WNK4: variants seen among roughly 807,000 people sequenced by gnomAD.
The protein encoded by WNK4 is WNK lysine deficient protein kinase 4.
In WNK4, 94 loss-of-function variants were observed where a neutral mutation model predicts 116.2. The ratio of observed to expected loss-of-function variants is 0.81; its 90% CI spans 0.68 to 0.96. The LOEUF is 0.96. WNK4 is among the 40% of genes least tolerant of loss of function. WNK4 has a pLI of 0.00. For synonymous variants in WNK4, 655 were observed against 672.7 expected, an observed-to-expected ratio of 0.97 and a Z score of 0.41; for missense variants, 1,542 against 1,650.6, an observed-to-expected ratio of 0.93 and a Z score of 1.14.
chr17:42,787,398 C>G lies in WNK4; in HGVS notation c.1597C>G (p.Leu533Val), dbSNP rs1160906653. 1 of 1,614,068 alleles carries G rather than the reference C, an allele frequency of 6.2e-7. No homozygotes were observed. Among genetic ancestry groups the G allele is most frequent in the Non-Finnish European group, 8.5e-7 (1 of 1,180,042 alleles). Residue 533 changes from leucine (L) to valine (V), a missense_variant, in exon 7 of 19, where the codon CTC becomes GTC. By Grantham distance (32) the Leu-to-Val change is conservative. Around this residue, in one of 7 missense-constraint regions of WNK4, gnomAD observed 808 missense variants for 873.6 expected, o/e 0.92. Coordinates refer to ENST00000246914, the MANE Select transcript of WNK4 (RefSeq NM_032387.5). The part of the protein sequence containing the change: ...KLRKARELEA[L>V]PPEPGPPPAT... ...GCGTAAAGCAAGGGAATTGGAGGCA[C>G]TCCCACCAGAGCCAGGACCTCCACC...
Position 42,783,954 on chromosome 17 carries a change from G to C in WNK4, c.809G>C (p.Arg270Pro). 6.2e-7 allele frequency: 1 copy of C among 1,613,594 alleles called. No homozygotes were observed. Among genetic ancestry groups the C allele is most frequent in the Non-Finnish European group, 8.5e-7 (1 of 1,179,914 alleles). ...TCCCCCAGGTACCTGAGGCGGTTCC[G>C]GGAGATGAAGCCGCGGGTCCTTCAG... ...GTLKTYLRRF[R>P]EMKPRVLQRW... is the part of the protein sequence containing the mutation. The change falls in exon 3 of 19, where the codon CGG (arginine) becomes CCG (proline). Residue 270 changes from arginine to proline, a missense_variant. This residue lies in a region of WNK4 where 808 missense variants were observed against 873.6 expected (regional missense o/e 0.92). Transcript: ENST00000246914.
In WNK4 at chr17:42,782,667, C is replaced by G; in HGVS notation, c.619-91C>G. On this transcript the variant is annotated intron_variant, in intron 1 of 18. Transcript: ENST00000246914. This position sits in a 1 kb window ranked among gnomAD's most constrained non-coding sequence, Gnocchi z 4.2. ...CCCACCCCATCTGTGGGCTCCAACC[C>G]TCACCTCTTCCCCCAACCCCACTCC... is the stretch of plus-strand genomic sequence containing the variant. The G allele has an allele frequency of 1.3e-6, 2 of 1,496,240 alleles. No homozygotes were observed. The highest frequency in any genetic ancestry group is 1.8e-6 in the Non-Finnish European group (2 of 1,093,144). 92.7% of individuals were successfully genotyped at this position (1,496,240 alleles called of 1,614,324 possible).
intron 11 of WNK4, among the ~76,000 whole-genome samples, chr17:42,791,468 G>A (rs1324931715): frequency 5.3e-5 from 8 of 151,898 alleles, no homozygotes; most frequent in Non-Finnish European, 1.0e-4. Flanking sequence ...GAGAAACCCC[G>A]TCTCTACTAA....
rs1246053705 is a variant in WNK4 at position 42,785,132 on chromosome 17, A to G, written c.1206A>G (p.Ile402Met). Residue 402 changes from isoleucine to methionine, a missense_variant, in exon 5 of 19, where the codon ATA becomes ATG. Around this residue, in one of 7 missense-constraint regions of WNK4, gnomAD observed 808 missense variants for 873.6 expected, o/e 0.92. Coordinates refer to ENST00000246914, the MANE Select transcript of WNK4 (RefSeq NM_032387.5). ...CGAACAGCTTCCACAAGGTGAAGAT[A>G]CCCGAGGTGAAGGAGATCATTGAAG... Reference protein sequence around the residue: ...RKPNSFHKVKIPEVKEIIEGC... With the variant: ...RKPNSFHKVKMPEVKEIIEGC... The G allele has an allele frequency of 4.3e-6, 7 of 1,613,932 alleles. No homozygotes were observed. The East Asian group carries it at 1.1e-4, about 26-fold the overall frequency.
Position 42,784,459 on chromosome 17 carries a change from A to C in WNK4, c.1050A>C (p.Glu350Asp). ...TCATGGCCCCCGAGATGTACGAGGA[A>C]AAGTACGATGAGGCCGTGGACGTGT... ...PEFMAPEMYE[E>D]KYDEAVDVYA... The change falls in exon 4 of 19, where the codon GAA becomes GAC. Residue 350 changes from glutamate to aspartate, a missense_variant. Physicochemically the swap from Glu to Asp is conservative, Grantham distance 45. This residue lies in a region of WNK4 where 808 missense variants were observed against 873.6 expected (regional missense o/e 0.92). Transcript: ENST00000246914. This position sits in a 1 kb window ranked among gnomAD's most constrained non-coding sequence, Gnocchi z 4.4. 6.2e-7 allele frequency: 1 copy of C among 1,613,906 alleles called. No homozygotes were observed. The highest frequency in any genetic ancestry group is 8.5e-7 in the Non-Finnish European group (1 of 1,179,938).
intron 6 of WNK4, 97 bp downstream of exon 6, chr17:42,785,579 G>T: frequency 5.8e-6 from 8 of 1,376,724 alleles, no homozygotes; most frequent in Non-Finnish European, 7.0e-6. Context: ...GGGTGGCAGC[G>T]ATGGGGGCGG....
chr17:42,787,697 C>T, intron 7 of WNK4, 81 bp from the exon 8 acceptor site: 2 of 1,601,334 alleles, frequency 1.2e-6, no homozygotes, highest in Non-Finnish European at 1.7e-6. Flanking sequence ...CTCCAGGCCC[C>T]TCCTTGCTTA....
intron 11 of WNK4, among the ~76,000 whole-genome samples, chr17:42,792,965 G>A (rs898985407): frequency 1.3e-5 from 2 of 152,152 alleles, no homozygotes; most frequent in Non-Finnish European, 2.9e-5. Flanking sequence ...TTAGGCAGAC[G>A]GAACTTAACC....
Position 42,784,096 on chromosome 17 carries a change from CAA to C in WNK4, c.954_955del (p.Lys318AsnfsTer36), listed in dbSNP as rs1172301037. 1 of 1,612,186 alleles carries C rather than the reference CAA, an allele frequency of 6.2e-7. No individual in the cohort carries two copies. Among genetic ancestry groups the C allele is most frequent in the South Asian group, 1.1e-5 (1 of 91,086 alleles). ...TTATCACGGGACCTACTGGCTCTGT[CAA>C]AATCGGGGACCTGGGCCTGGCCACG... ...VFITGPTGSV[K>X]IGDLGLATLK... On this transcript the variant is annotated frameshift_variant, in exon 3 of 19. Transcript: ENST00000246914. LOFTEE classifies it high-confidence loss of function. This position sits in a 1 kb window ranked among gnomAD's most constrained non-coding sequence, Gnocchi z 4.4.
rs779947915 is a variant in WNK4 at position 42,782,826 on chromosome 17, G to A, written c.687G>A (p.Gln229=). The A allele has an allele frequency of 1.9e-6, 3 of 1,614,070 alleles. No homozygotes were observed. Among genetic ancestry groups the A allele is most frequent in the East Asian group, 2.2e-5 (1 of 44,888 alleles). Residue 229 remains glutamine (Q), a synonymous_variant, in exon 2 of 19, where the codon CAG becomes CAA. Transcript: ENST00000246914. The surrounding 1 kb of genome is among the most constrained non-coding windows in gnomAD (Gnocchi z 4.2). ...SEEVEMLKGL[Q]HPNIVRFYDS... ...AGGTGGAGATGCTCAAGGGGCTGCA[G>A]CACCCCAACATCGTCCGCTTCTATG... is the stretch of plus-strand genomic sequence containing the variant.
intron 6 of WNK4, among the ~76,000 whole-genome samples, chr17:42,785,872 T>C (rs766131989): frequency 2.0e-5 from 3 of 152,182 alleles, no homozygotes; most frequent in Non-Finnish European, 4.4e-5. Flanking sequence ...AATGCTTCTT[T>C]CCACTTCAGC....
Position 42,782,847 on chromosome 17 carries a change from C to T in WNK4, c.708C>T (p.Phe236=), listed in dbSNP as rs945142239. The T allele has an allele frequency of 6.2e-7, 1 of 1,614,200 alleles. No individual in the cohort carries two copies. ...TGCAGCACCCCAACATCGTCCGCTT[C>T]TATGATTCGTGGAAGTCGGTGCTGA... ...KGLQHPNIVR[F]YDSWKSVLRG... Residue 236 remains phenylalanine, a synonymous_variant, in exon 2 of 19, where the codon TTC becomes TTT. Coordinates refer to ENST00000246914, the MANE Select transcript of WNK4 (RefSeq NM_032387.5). This position sits in a 1 kb window ranked among gnomAD's most constrained non-coding sequence, Gnocchi z 4.2.
chr17:42,792,827 G>T (rs554946812), intron 11 of WNK4, among the ~76,000 whole-genome samples: 2 of 152,292 alleles, frequency 1.3e-5, no homozygotes, highest in Non-Finnish European at 2.9e-5. Flanking sequence ...TGGGATGGGT[G>T]TATGTGGGCC....
rs1567653543 is a variant in WNK4 at position 42,793,700 on chromosome 17, G to C, written c.2266G>C (p.Glu756Gln). 1.2e-6 allele frequency: 2 copies of C among 1,614,080 alleles called. No homozygotes were observed. The highest frequency in any genetic ancestry group is 8.5e-7 in the Non-Finnish European group (1 of 1,179,992). ...TLLKRDTGPM[E>Q]AAEDTLSPQE... ...GTTGAAGAGAGACACTGGCCCCATG[G>C]AGGCTGCTGAAGACACCCTAAGCCC... is the stretch of plus-strand genomic sequence containing the variant. The change falls in exon 12 of 19, where the codon GAG becomes CAG. Residue 756 changes from glutamate to glutamine, a missense_variant. By Grantham distance (29) the Glu-to-Gln change is conservative (BLOSUM62 2). Transcript: ENST00000246914.
intron 2 of WNK4, among the ~76,000 whole-genome samples, chr17:42,783,344 G>A (rs1363101681): frequency 6.6e-6 from 1 of 152,146 alleles, no homozygotes; most frequent in African/African-American, 2.4e-5. Context: ...ATCTTTCCCA[G>A]TTGAAAATCT....
rs1473904780 is a variant in WNK4 at position 42,785,205 on chromosome 17, G to A, written c.1259+20G>A. 6.2e-7 allele frequency: 1 copy of A among 1,612,792 alleles called. No individual in the cohort carries two copies. The highest frequency in any genetic ancestry group is 8.5e-7 in the Non-Finnish European group (1 of 1,179,538). ...CGAGAGGTGGGGGTGAAAGGGCAGA[G>A]CGTGGGTAGAATAGGGCCGCGGGCC... On this transcript the variant is annotated intron_variant, in intron 5 of 18. Transcript: ENST00000246914.
rs764305741 is a variant in WNK4, at chr17:42,784,543, C to T, written c.1134C>T (p.Cys378=). 7 of 1,613,966 alleles carry T rather than the reference C, an allele frequency of 4.3e-6. No homozygotes were observed. The highest frequency in any genetic ancestry group is 1.3e-5 in the African/African-American group (1 of 74,884). The change falls in exon 4 of 19, where the codon TGC becomes TGT. Residue 378 remains cysteine (C), a synonymous_variant. Coordinates refer to ENST00000246914, the MANE Select transcript of WNK4 (RefSeq NM_032387.5). The surrounding 1 kb of genome is among the most constrained non-coding windows in gnomAD (Gnocchi z 4.4). ...CCTCTGAGTACCCGTACTCCGAGTG[C>T]CAGAATGCCGCGCAAATCTACCGCA... ...MATSEYPYSE[C]QNAAQIYRKV...
In WNK4 at chr17:42,780,920, C is replaced by T. The variant is rs746120150; in HGVS notation, c.222C>T (p.Ser74=). Residue 74 remains serine, a synonymous_variant, in exon 1 of 19, where the codon TCC becomes TCT. Transcript: ENST00000246914. ...SVDLGLLSSW[S]LPASPAPDPP... ...ACTTGGGGCTGCTGAGCTCTTGGTC[C>T]CTGCCAGCCTCACCCGCTCCGGACC... is the stretch of plus-strand genomic sequence containing the variant. The T allele has an allele frequency of 1.1e-5, 17 of 1,608,650 alleles. No homozygotes were observed. The highest frequency in any genetic ancestry group is 4.0e-5 in the African/African-American group (3 of 74,928).
chr17:42,786,453 C>T (rs1005550257), intron 6 of WNK4, among the ~76,000 whole-genome samples: 3 of 152,082 alleles, frequency 2.0e-5, no homozygotes, highest in Non-Finnish European at 4.4e-5. Flanking sequence ...AGTGCAGTGG[C>T]GCTATCTCAG....
Sources: allele counts gnomAD v4.1 joint callset (sites outside exome capture counted in the v4.1 genomes callset), GRCh38; gene constraint gnomAD v4.1.1; regional missense constraint gnomAD v4.1.1; non-coding constraint Gnocchi (gnomAD v3.1); transcripts MANE v1.5; gene names NCBI Gene and HGNC (gene_info 2026-07-23, HGNC 2026-07-21).